The following TFDP1 variants were observed in gnomAD, a reference collection of about 807,000 sequenced individuals.
The protein encoded by TFDP1 is transcription factor Dp-1, also known as DRTF1-polypeptide 1.
A neutral mutation model predicts 48.0 loss-of-function variants in TFDP1; 6 were observed. The observed-to-expected ratio is 0.13, with a 90% CI of 0.07 to 0.25. TFDP1 has a LOEUF of 0.25. Ranked by LOEUF, TFDP1 falls within the 10% of genes least tolerant of loss-of-function variation. The probability of loss-of-function intolerance (pLI) is 1.00; values close to 1 mark genes in which losing one functional copy is unlikely to be tolerated. For synonymous variants in TFDP1, 201 were observed against 211.6 expected (o/e 0.95, Z 0.44); for missense variants, 335 against 543.0 (o/e 0.62, Z 3.81).
chr13:113,606,128 A>C (rs1319237473), intron 2 of TFDP1, among the ~76,000 whole-genome samples: 2 of 142,464 alleles, frequency 1.4e-5, no homozygotes, highest in Non-Finnish European at 3.0e-5. Flanking sequence ...GAGTGTCTGC[A>C]GGGGATCCTG....
chr13:113,614,400 T>G (rs938822801), intron 3 of TFDP1, among the ~76,000 whole-genome samples: 2 of 152,168 alleles, frequency 1.3e-5, no homozygotes, highest in African/African-American at 2.4e-5. Context: ...ATGGAGCCGT[T>G]GCAGCTGCTT....
chr13:113,618,931 T>C (rs1340168026), intron 3 of TFDP1, among the ~76,000 whole-genome samples: 3 of 152,198 alleles, frequency 2.0e-5, no homozygotes, highest in Admixed American at 6.5e-5. Context: ...CAATCATTTA[T>C]AGCCTTAGGT....
intron 9 of TFDP1, 136 bp from the exon 10 acceptor site, chr13:113,636,398 C>A (rs1401258871): frequency 9.2e-7 from 1 of 1,082,734 alleles, no homozygotes; most frequent in South Asian, 1.5e-5. Flanking sequence ...TTTATAAATT[C>A]TGTGAGGAGA....
intron 2 of TFDP1, among the ~76,000 whole-genome samples, chr13:113,608,499 G>C (rs2048625038): frequency 6.6e-6 from 1 of 152,222 alleles, no homozygotes; most frequent in Non-Finnish European, 1.5e-5. Flanking sequence ...GCTTCCTCCA[G>C]CTCCACGCAC....
At chr13:113,634,724 T>C (rs1489900348) in intron 8 of TFDP1, 122 bp downstream of exon 8, 4 of 738,132 alleles carry the variant, frequency 5.4e-6, no homozygotes, top group Non-Finnish European at 9.0e-6. Flanking sequence ...GCTCTAAGAT[T>C]CTGAGTGTGA....
chr13:113,640,003 G>A, intron 11 of TFDP1, 117 bp from the exon 12 acceptor site: 1 of 729,936 alleles, frequency 1.4e-6, no homozygotes, highest in Non-Finnish European at 2.3e-6. Context: ...CTGTTTGTGT[G>A]ACTGACAAAA....
rs775373156 is a variant in TFDP1 at position 113,633,955 on chromosome 13, C to T, written c.540C>T (p.Asn180=). The change falls in exon 7 of 12, where the codon AAC becomes AAT. Residue 180 remains asparagine, a synonymous_variant. Coordinates refer to ENST00000375370, the MANE Select transcript of TFDP1 (RefSeq NM_007111.5). The surrounding 1 kb of genome is among the most constrained non-coding windows in gnomAD (Gnocchi z 4.5). Reference sequence around the variant, plus strand: ...CCTTAAACGTGCTAATGGCCATGAACATCATCTCCAAGGAGAAGAAGGAGA... The same window carrying T: ...CCTTAAACGTGCTAATGGCCATGAATATCATCTCCAAGGAGAAGAAGGAGA... ...YDALNVLMAM[N]IISKEKKEIK... 6.2e-6 allele frequency: 10 copies of T among 1,614,094 alleles called. No individual in the cohort carries two copies. Among genetic ancestry groups the T allele is most frequent in the African/African-American group, 1.3e-5 (1 of 74,928 alleles).
rs1441393809 is a variant in TFDP1, at chr13:113,634,606, A to G, written c.687+4A>G. 1.2e-6 allele frequency: 2 copies of G among 1,602,266 alleles called. No individual in the cohort carries two copies. The highest frequency in any genetic ancestry group is 1.7e-5 in the Admixed American group (1 of 58,592). ...ACTTCAAGAACTTATTCTACAGGTA[A>G]GAGAATACGTATCTGTGGAGGCAGG... is the stretch of plus-strand genomic sequence containing the variant. On this transcript the variant is annotated splice_donor_region_variant and intron_variant, in intron 8 of 11. Coordinates refer to ENST00000375370, the MANE Select transcript of TFDP1 (RefSeq NM_007111.5).
chr13:113,614,919 G>A (rs552585329), intron 3 of TFDP1, among the ~76,000 whole-genome samples: 2 of 152,324 alleles, frequency 1.3e-5, no homozygotes, highest in South Asian at 2.1e-4. Context: ...CCTGCATCGA[G>A]CACAGTCTCC....
chr13:113,592,985 C>G (rs1329349046), intron 2 of TFDP1, among the ~76,000 whole-genome samples: 2 of 149,608 alleles, frequency 1.3e-5, no homozygotes, highest in African/African-American at 2.5e-5. Context: ...GCCCAGGTGA[C>G]AGGTGTGCTG....
chr13:113,617,562 C>T lies in TFDP1; in HGVS notation c.80-5618C>T, dbSNP rs541909340. Reference sequence around the variant, plus strand: ...TGCAGAGCCGCTCACCTGCAGAACCCTTCACCTGCAGAGCCGCTCACCTGC... The same window carrying T: ...TGCAGAGCCGCTCACCTGCAGAACCTTTCACCTGCAGAGCCGCTCACCTGC... On this transcript the variant is annotated intron_variant, in intron 3 of 11. Transcript: ENST00000375370. Among the ~76,000 whole-genome samples, 2 of 132,288 alleles carry T rather than the reference C, an allele frequency of 1.5e-5. 1 individual carries two copies. The highest frequency in any genetic ancestry group is 4.5e-4 in the South Asian group (2 of 4,438). The allele number at this position is 132,288 out of a possible 152,430, so 86.8% of individuals were successfully genotyped here.
chr13:113,640,031 C>T, intron 11 of TFDP1, 89 bp from the exon 12 acceptor site: 1 of 969,884 alleles, frequency 1.0e-6, no homozygotes, highest in Non-Finnish European at 1.6e-6. Flanking sequence ...CTGTGGGGCA[C>T]AGCCTGTCAT....
chr13:113,609,731 G>A (rs1305443336), intron 2 of TFDP1, among the ~76,000 whole-genome samples: 1 of 152,100 alleles, frequency 6.6e-6, no homozygotes, highest in Admixed American at 6.6e-5. Context: ...TTGTTCCCAT[G>A]GTGTTATCTA....
chr13:113,593,259 G>A (rs1189538919), intron 2 of TFDP1, among the ~76,000 whole-genome samples: 7 of 143,878 alleles, frequency 4.9e-5, no homozygotes, highest in Non-Finnish European at 9.0e-5. Context: ...GCTATACACA[G>A]GTGTCAGGCG....
In TFDP1 at chr13:113,623,114, A is replaced by G. The variant is rs1035046828; in HGVS notation, c.80-66A>G. On this transcript the variant is annotated intron_variant, in intron 3 of 11. Coordinates refer to ENST00000375370, the MANE Select transcript of TFDP1 (RefSeq NM_007111.5). This position sits in a 1 kb window ranked among gnomAD's most constrained non-coding sequence, Gnocchi z 5.2. ...TTGCAAGCACCGTCTTGCATTTAGAATGGTCGCTTGTAGCCTTAACTTAGA... is the reference window on the plus strand; with the variant it reads ...TTGCAAGCACCGTCTTGCATTTAGAGTGGTCGCTTGTAGCCTTAACTTAGA... 4 of 1,410,620 alleles carry G rather than the reference A, an allele frequency of 2.8e-6. No individual in the cohort carries two copies. The East Asian group carries it at 7.4e-5, about 26-fold the overall frequency. 87.4% of individuals were successfully genotyped at this position (1,410,620 alleles called of 1,614,324 possible). A position where few individuals can be genotyped will look rare whatever the true frequency, so the allele number is the denominator to read the frequency against.
At chr13:113,625,936 T>C (rs1234238125) in intron 4 of TFDP1, among the ~76,000 whole-genome samples, 40 of 101,244 alleles carry the variant, frequency 4.0e-4, no homozygotes, top group African/African-American at 7.1e-4. Context: ...CCTCAGGTGT[T>C]TCTCAGGCGT....
chr13:113,624,179 C>T (rs2049062798), intron 4 of TFDP1, among the ~76,000 whole-genome samples: 1 of 152,154 alleles, frequency 6.6e-6, no homozygotes, highest in Non-Finnish European at 1.5e-5. Context: ...CCTCTTGCAC[C>T]CCGGCCTCCT....
At chr13:113,599,945 T>C (rs907474869) in intron 2 of TFDP1, among the ~76,000 whole-genome samples, 15 of 134,264 alleles carry the variant, frequency 1.1e-4, no homozygotes, top group South Asian at 4.9e-4. Flanking sequence ...AACCCAGGAC[T>C]GTGATAAAGA....
chr13:113,595,578 T>C (rs1481901287), intron 2 of TFDP1, among the ~76,000 whole-genome samples: 1 of 152,188 alleles, frequency 6.6e-6, no homozygotes, highest in East Asian at 1.9e-4. Flanking sequence ...TCCCCTGTGG[T>C]TGGGGATTCT....
Sources: allele counts gnomAD v4.1 joint callset (sites outside exome capture counted in the v4.1 genomes callset), GRCh38; gene constraint gnomAD v4.1.1; non-coding constraint Gnocchi (gnomAD v3.1); transcripts MANE v1.5; gene names NCBI Gene and HGNC (gene_info 2026-07-23, HGNC 2026-07-21).